Variants in GULP1 observed in about 807,000 individuals in gnomAD.
The protein encoded by GULP1 is GULP PTB domain containing engulfment adaptor 1.
GULP1 carries 19 observed loss-of-function variants against 40.9 expected under a neutral mutation model. The observed-to-expected ratio is 0.46, with a 90% CI of 0.32 to 0.68. GULP1 has a LOEUF of 0.68. GULP1 is among the 30% of genes least tolerant of loss of function. The pLI, the probability that GULP1 is intolerant of heterozygous loss-of-function variation, is 0.03. For missense variants in GULP1, 312 were observed against 362.2 expected (o/e 0.86, Z 1.12); for synonymous variants, 119 against 117.6 (o/e 1.01, Z -0.08).
intron 2 of GULP1, among the ~76,000 whole-genome samples, chr2:188,429,977 G>A (rs1455297523): frequency 6.6e-6 from 1 of 152,084 alleles, no homozygotes; most frequent in Non-Finnish European, 1.5e-5. Flanking sequence ...CCAAAGTGCT[G>A]GGATTTCAGT....
At chr2:188,456,319 C>T (rs1167061773) in intron 2 of GULP1, among the ~76,000 whole-genome samples, 1 of 152,100 alleles carries the variant, frequency 6.6e-6, no homozygotes, top group Admixed American at 6.5e-5. Context: ...GCCGGAAGGC[C>T]TAGGAAGAAA....
At chr2:188,564,904 G>A (rs546050986) in intron 7 of GULP1, among the ~76,000 whole-genome samples, 1 of 151,860 alleles carries the variant, frequency 6.6e-6, no homozygotes, top group East Asian at 1.9e-4. Context: ...TACATACATG[G>A]TTAATTTTTT....
intron 1 of GULP1, among the ~76,000 whole-genome samples, chr2:188,378,468 A>G (rs1433342379): frequency 6.6e-6 from 1 of 152,112 alleles, no homozygotes; most frequent in Admixed American, 6.6e-5. Flanking sequence ...CTATAAAGGA[A>G]TACCTGAGGC....
At chr2:188,484,408 A>G (rs532804919) in intron 4 of GULP1, among the ~76,000 whole-genome samples, 7 of 152,292 alleles carry the variant, frequency 4.6e-5, no homozygotes, top group Admixed American at 3.9e-4. Context: ...AATTATCACC[A>G]AACTTGTAAT....
At chr2:188,493,486 TG>T (rs1442219431) in intron 4 of GULP1, among the ~76,000 whole-genome samples, 2 of 152,030 alleles carry the variant, frequency 1.3e-5, no homozygotes, top group Non-Finnish European at 2.9e-5. Context: ...CTACTCCCCT[TG>T]GGAAGTCTCT....
rs1303205927 is a variant in GULP1 at position 188,594,629 on chromosome 2, C to T, written c.*618C>T. The T allele has an allele frequency of 6.6e-6, 1 of 151,342 alleles. No individual in the cohort carries two copies. Among genetic ancestry groups the T allele is most frequent in the Non-Finnish European group, 1.5e-5 (1 of 67,662 alleles). The allele number at this position is 151,342 out of a possible 1,614,324, so 9.4% of individuals were successfully genotyped here. On this transcript the variant is annotated 3_prime_UTR_variant, in exon 12 of 12. Coordinates refer to ENST00000409830, the MANE Select transcript of GULP1 (RefSeq NM_016315.4). ...TATTTAGAGTATTTATTAGTAAATG[C>T]AAGGTGATGTTAGTTATGATCAGTT... is the stretch of plus-strand genomic sequence containing the variant.
At chr2:188,531,068 C>T (rs1244847490) in intron 6 of GULP1, among the ~76,000 whole-genome samples, 1 of 152,130 alleles carries the variant, frequency 6.6e-6, no homozygotes, top group Admixed American at 6.6e-5. Context: ...TATGTAAATT[C>T]CAGTTCCCAG....
chr2:188,526,391 T>C (rs1049154143), intron 5 of GULP1, among the ~76,000 whole-genome samples: 5 of 152,048 alleles, frequency 3.3e-5, no homozygotes, highest in Middle Eastern at 3.4e-3. Context: ...GAAGCAAAAA[T>C]TGAAAGAAAT....
chr2:188,514,175 T>G (rs1043056123), intron 4 of GULP1, among the ~76,000 whole-genome samples: 9 of 151,934 alleles, frequency 5.9e-5, no homozygotes, highest in African/African-American at 1.7e-4. Context: ...GACCCTGAGC[T>G]AAAACAATTG....
intron 2 of GULP1, among the ~76,000 whole-genome samples, chr2:188,453,167 A>G (rs1216552601): frequency 6.6e-6 from 1 of 152,140 alleles, no homozygotes; most frequent in Non-Finnish European, 1.5e-5. Flanking sequence ...TATCTACCAC[A>G]AATATCTGTT....
intron 6 of GULP1, among the ~76,000 whole-genome samples, chr2:188,536,601 A>T (rs1222286275): frequency 6.6e-6 from 1 of 152,144 alleles, no homozygotes; most frequent in South Asian, 2.1e-4. Flanking sequence ...CTTATAGTAC[A>T]GTCATCGGGT....
At chr2:188,395,310 A>G (rs1012397635) in intron 2 of GULP1, among the ~76,000 whole-genome samples, 4 of 152,212 alleles carry the variant, frequency 2.6e-5, no homozygotes, top group African/African-American at 4.8e-5. Context: ...TTCCAAGTAG[A>G]GTGGAATTCT....
chr2:188,433,102 A>G (rs985531125), intron 2 of GULP1, among the ~76,000 whole-genome samples: 1 of 152,142 alleles, frequency 6.6e-6, no homozygotes, highest in African/African-American at 2.4e-5. Context: ...TGAAGACTCT[A>G]TATTTTAAAA....
intron 2 of GULP1, among the ~76,000 whole-genome samples, chr2:188,435,687 A>G (rs79321123): frequency 0.018 from 2,741 of 152,154 alleles, 82 homozygotes; most frequent in African/African-American, 0.061. Flanking sequence ...TGTGGACTCT[A>G]CTAGAGAAGA....
At chr2:188,506,329 G>A (rs115226734) in intron 4 of GULP1, among the ~76,000 whole-genome samples, 76 of 151,722 alleles carry the variant, frequency 5.0e-4, no homozygotes, top group South Asian at 1.7e-3. Context: ...TTTCCTACTC[G>A]TTTGCATTTA....
intron 6 of GULP1, among the ~76,000 whole-genome samples, chr2:188,535,080 A>C (rs1448248183): frequency 6.6e-6 from 1 of 151,108 alleles, no homozygotes; most frequent in Admixed American, 6.6e-5. Context: ...TAATTATTTA[A>C]TATTAAAGTA....
intron 4 of GULP1, among the ~76,000 whole-genome samples, chr2:188,512,812 T>G (rs1371319425): frequency 2.0e-5 from 3 of 151,918 alleles, no homozygotes; most frequent in Non-Finnish European, 4.4e-5. Flanking sequence ...GAAATGAATA[T>G]AGACATCACT....
intron 1 of GULP1, among the ~76,000 whole-genome samples, chr2:188,354,747 A>AT (rs1448804343): frequency 4.6e-5 from 7 of 152,008 alleles, no homozygotes; most frequent in African/African-American, 7.2e-5. Context: ...CAGAATACAC[A>AT]TTTTTTTTAA....
At chr2:188,293,611 C>G (rs1390901425) in intron 1 of GULP1, among the ~76,000 whole-genome samples, 1 of 152,140 alleles carries the variant, frequency 6.6e-6, no homozygotes, top group East Asian at 1.9e-4. Flanking sequence ...CCTTTTCCCC[C>G]CATATGAACA....
Sources: allele counts gnomAD v4.1 joint callset (sites outside exome capture counted in the v4.1 genomes callset), GRCh38; gene constraint gnomAD v4.1.1; transcripts MANE v1.5; gene names NCBI Gene and HGNC (gene_info 2026-07-23, HGNC 2026-07-21).